Variants in SHANK2 observed in about 807,000 individuals in gnomAD.
SHANK2 encodes SH3 and multiple ankyrin repeat domains protein 2.
In SHANK2, 43 loss-of-function variants were observed where a neutral mutation model predicts 133.7. The ratio of observed to expected loss-of-function variants is 0.32; its 90% CI spans 0.25 to 0.41. The LOEUF is 0.41. Ranked by LOEUF, SHANK2 falls within the 10% of genes least tolerant of loss-of-function variation. The pLI, the probability that SHANK2 is intolerant of heterozygous loss-of-function variation, is 1.00. For missense variants in SHANK2, 1,994 were observed against 2,235.8 expected, an observed-to-expected ratio of 0.89 and a Z score of 2.18; for synonymous variants, 1,017 against 952.8, an observed-to-expected ratio of 1.07 and a Z score of -1.24.
At chr11:70,850,663 C>A (rs377078952) in intron 11 of SHANK2, among the ~76,000 whole-genome samples, 8 of 152,220 alleles carry the variant, frequency 5.3e-5, no homozygotes, top group Non-Finnish European at 7.3e-5. Flanking sequence ...ACTGTGCCTG[C>A]AGCTCCCGTG....
intron 17 of SHANK2, among the ~76,000 whole-genome samples, chr11:70,638,454 C>A (rs782391357): frequency 2.6e-4 from 39 of 152,204 alleles, no homozygotes; most frequent in African/African-American, 9.4e-4. Context: ...CTGCTGATGA[C>A]CTTCCCTGGG....
chr11:71,193,898 A>C (rs1483703922), intron 2 of SHANK2, among the ~76,000 whole-genome samples: 1 of 151,936 alleles, frequency 6.6e-6, no homozygotes, highest in Non-Finnish European at 1.5e-5. Context: ...ATCAGGCCCC[A>C]CCCTACTGGC....
At chr11:71,079,356 C>T (rs1951261224) in intron 8 of SHANK2, among the ~76,000 whole-genome samples, 1 of 152,214 alleles carries the variant, frequency 6.6e-6, no homozygotes, top group Admixed American at 6.5e-5. Flanking sequence ...ACTGGGACAC[C>T]GTCACCACTC....
intron 11 of SHANK2, among the ~76,000 whole-genome samples, chr11:70,855,778 G>T (rs1350174502): frequency 6.6e-6 from 1 of 152,222 alleles, no homozygotes; most frequent in Non-Finnish European, 1.5e-5. Context: ...GAGTTAAATC[G>T]ATGGCAGGAT....
intron 17 of SHANK2, among the ~76,000 whole-genome samples, chr11:70,609,296 AC>A (rs1156246757): frequency 8.6e-5 from 13 of 151,902 alleles, no homozygotes; most frequent in Non-Finnish European, 1.9e-4. Context: ...GAATCCGAGG[AC>A]TCCTGTTGCA....
At chr11:71,252,834 G>A (rs1390219717), upstream of SHANK2, among the ~76,000 whole-genome samples, 1 of 152,118 alleles carries the variant, frequency 6.6e-6, no homozygotes, top group Non-Finnish European at 1.5e-5. This position sits in a 1 kb window ranked among gnomAD's most constrained non-coding sequence, Gnocchi z 6.3. Context: ...CCCGCCCCGG[G>A]CTGCGTGGCT....
intron 6 of SHANK2, among the ~76,000 whole-genome samples, chr11:71,094,979 C>T (rs1951581000): frequency 6.6e-6 from 1 of 152,224 alleles, no homozygotes; most frequent in Admixed American, 6.5e-5. Flanking sequence ...CCCTTGCTGC[C>T]CTTCCCTCTG....
rs528418101 is a variant in SHANK2, at chr11:71,110,012, C to T, written c.521G>A (p.Arg174His). 3.9e-6 allele frequency: 6 copies of T among 1,551,544 alleles called. No individual in the cohort carries two copies. The African/African-American group carries it at 4.1e-5, about 11-fold the overall frequency. The change falls in exon 6 of 26, where the codon CGC becomes CAC. Residue 174 changes from arginine to histidine, a missense_variant. Transcript: ENST00000601538. ...LKKCMDHIQH[R>H]LVEKITKMLD... ...CATCTTGGTGATCTTCTCCACCAAG[C>T]GATGCTGAATGTGATCCATGCATTT...
chr11:71,137,925 C>T (rs1195550784), intron 3 of SHANK2, among the ~76,000 whole-genome samples: 4 of 152,300 alleles, frequency 2.6e-5, no homozygotes, highest in South Asian at 2.1e-4. Flanking sequence ...CTAACGGTAA[C>T]GAACCACCCC....
intron 11 of SHANK2, among the ~76,000 whole-genome samples, chr11:70,884,247 TGGGCAGG>T (rs1949702741): frequency 6.6e-6 from 1 of 152,040 alleles, no homozygotes; most frequent in Non-Finnish European, 1.5e-5. Flanking sequence ...TCACACGTGG[TGGGCAGG>T]GGCCAGACAG....
intron 10 of SHANK2, among the ~76,000 whole-genome samples, chr11:70,930,175 C>T (rs1950483078): frequency 6.6e-6 from 1 of 152,184 alleles, no homozygotes; most frequent in Non-Finnish European, 1.5e-5. Context: ...TTCTTGGTTC[C>T]AATCATTCAA....
chr11:70,576,226 A>G (rs1435404884), intron 17 of SHANK2, among the ~76,000 whole-genome samples: 1 of 152,144 alleles, frequency 6.6e-6, no homozygotes, highest in Admixed American at 6.5e-5. Flanking sequence ...GGCTGGGGGT[A>G]CAGACACGGA....
chr11:71,233,818 C>T (rs1405619841), intron 1 of SHANK2, among the ~76,000 whole-genome samples: 6 of 151,774 alleles, frequency 4.0e-5, no homozygotes, highest in African/African-American at 9.7e-5. Flanking sequence ...GAGGCTGAGG[C>T]GGGAGGATCA....
At chr11:70,769,090 G>C (rs1344267749) in intron 14 of SHANK2, among the ~76,000 whole-genome samples, 1 of 152,166 alleles carries the variant, frequency 6.6e-6, no homozygotes, top group Non-Finnish European at 1.5e-5. Flanking sequence ...TTATTCCCTG[G>C]AACGCAGGGC....
intron 17 of SHANK2, among the ~76,000 whole-genome samples, chr11:70,650,374 G>A (rs1167164269): frequency 6.6e-6 from 1 of 152,262 alleles, no homozygotes; most frequent in East Asian, 1.9e-4. Context: ...TGGAGGGAGG[G>A]GACATGCTGA....
At chr11:70,599,464 G>A (rs1436251180) in intron 17 of SHANK2, among the ~76,000 whole-genome samples, 5 of 136,652 alleles carry the variant, frequency 3.7e-5, no homozygotes, top group African/African-American at 7.8e-5. Context: ...AAAATTAGCC[G>A]GGCGAGGTGG....
At chr11:71,081,605 T>C (rs1951302211) in intron 8 of SHANK2, among the ~76,000 whole-genome samples, 1 of 152,134 alleles carries the variant, frequency 6.6e-6, no homozygotes, top group African/African-American at 2.4e-5. Flanking sequence ...CCCTCTCCTG[T>C]TCCCCGCATG....
At position 71,210,250 on chromosome 11, in the gene SHANK2, A is replaced by ATATATATATATATATT. The variant is rs1353494730; in HGVS notation, c.-13+14446_-13+14447insAATATATATATATATA. On this transcript the variant is annotated intron_variant, in intron 2 of 25. Coordinates refer to ENST00000601538, the MANE Select transcript of SHANK2 (RefSeq NM_012309.5). ...TATATATATATATATATATATATAT[A>ATATATATATATATATT]TATTTATTTATTTTTTGAAACAGAG... Among the ~76,000 whole-genome samples, 55 of 85,412 alleles carry ATATATATATATATATT rather than the reference A, an allele frequency of 6.4e-4. 1 individual carries two copies. The highest frequency in any genetic ancestry group is 1.1e-3 in the South Asian group (3 of 2,792). 56.0% of individuals were successfully genotyped at this position (85,412 alleles called of 152,430 possible).
chr11:70,560,343 T>C (rs2059891447), intron 17 of SHANK2, among the ~76,000 whole-genome samples: 1 of 152,154 alleles, frequency 6.6e-6, no homozygotes, highest in African/African-American at 2.4e-5. Context: ...CCAAGACCTG[T>C]ATAGCAAAAG....
Sources: gnomAD v4.1 joint callset for allele counts (sites outside exome capture counted in the v4.1 genomes callset) on GRCh38, gnomAD v4.1.1 for gene constraint, Gnocchi (gnomAD v3.1) non-coding constraint, MANE v1.5 for transcripts, NCBI Gene and HGNC (gene_info 2026-07-23, HGNC 2026-07-21) for gene names.